ZNF205: variants seen among roughly 807,000 people sequenced by gnomAD.
The protein encoded by ZNF205 is transcriptional repressor RHIT.
A neutral mutation model predicts 53.6 loss-of-function variants in ZNF205; 32 were observed. The observed-to-expected ratio is 0.60, with a 90% CI of 0.45 to 0.80. The LOEUF is 0.80. Ranked by LOEUF, ZNF205 falls within the 30% of genes least tolerant of loss-of-function variation. The probability of loss-of-function intolerance (pLI) is 0.00; values close to 1 mark genes in which losing one functional copy is unlikely to be tolerated. For synonymous variants in ZNF205, 382 were observed against 334.3 expected, an observed-to-expected ratio of 1.14 and a Z score of -1.56; for missense variants, 836 against 782.4, an observed-to-expected ratio of 1.07 and a Z score of -0.82.
At chr16:3,116,379 C>T in intron 4 of ZNF205, 48 bp from the exon 5 acceptor site, 1 of 1,607,928 alleles carries the variant, frequency 6.2e-7, no homozygotes, top group Non-Finnish European at 8.5e-7. Flanking sequence ...TGTCCCTCCA[C>T]CGTGTCCACG....
chr16:3,120,217 G>T lies in ZNF205; in HGVS notation c.1557G>T (p.Leu519=). The change falls in exon 7 of 7, where the codon CTG becomes CTT. Residue 519 remains leucine (L), a synonymous_variant. Coordinates refer to ENST00000219091, the MANE Select transcript of ZNF205 (RefSeq NM_001042428.2). Reference sequence around the variant, plus strand: ...AGAGCTTCAGCCGGCGCTCCAACCTGCACCGGCACGAGAAGATCCACACCA... The same window carrying T: ...AGAGCTTCAGCCGGCGCTCCAACCTTCACCGGCACGAGAAGATCCACACCA... ...CGKSFSRRSN[L]HRHEKIHTTG... is the part of the protein sequence containing the mutation. 1 of 1,610,366 alleles carries T rather than the reference G, an allele frequency of 6.2e-7. No individual in the cohort carries two copies. The highest frequency in any genetic ancestry group is 8.5e-7 in the Non-Finnish European group (1 of 1,179,658).
At chr16:3,119,099 G>T (rs964937213) in intron 6 of ZNF205, 84 bp downstream of exon 6, 4 of 1,543,694 alleles carry the variant, frequency 2.6e-6, no homozygotes, top group Non-Finnish European at 3.5e-6. Flanking sequence ...AGTGGGGCAG[G>T]GCCACCAGAC....
intron 5 of ZNF205, among the ~76,000 whole-genome samples, chr16:3,118,684 G>A (rs372363073): frequency 6.6e-6 from 1 of 152,132 alleles, no homozygotes; most frequent in Non-Finnish European, 1.5e-5. Context: ...CTTAAACTCC[G>A]TTGCTCTTTC....
chr16:3,119,585 C>G lies in ZNF205; in HGVS notation c.925C>G (p.Arg309Gly). 8 of 1,608,438 alleles carry G rather than the reference C, an allele frequency of 5.0e-6. No individual in the cohort carries two copies. Among genetic ancestry groups the G allele is most frequent in the Non-Finnish European group, 6.8e-6 (8 of 1,177,888 alleles). Residue 309 changes from arginine to glycine, a missense_variant, in exon 7 of 7, where the codon CGG becomes GGG. Arg to Gly is a moderately radical substitution (Grantham distance 125, BLOSUM62 -2). Transcript: ENST00000219091. ...CAGTGAGGTGGGCAGGAAGAGCTAC[C>G]GGTGCGAGCAGTGCGGCAAGGGCTT... Reference protein sequence around the residue: ...PDSEVGRKSYRCEQCGKGFSW... With the variant: ...PDSEVGRKSYGCEQCGKGFSW...
In ZNF205 at chr16:3,120,339, G is replaced by C. The variant is rs369700105; in HGVS notation, c.*14G>C. 6.7e-7 allele frequency: 1 copy of C among 1,497,906 alleles called. No homozygotes were observed. The highest frequency in any genetic ancestry group is 8.8e-7 in the Non-Finnish European group (1 of 1,133,430). 92.8% of individuals were successfully genotyped at this position (1,497,906 alleles called of 1,614,324 possible). On this transcript the variant is annotated 3_prime_UTR_variant, in exon 7 of 7. Coordinates refer to ENST00000219091, the MANE Select transcript of ZNF205 (RefSeq NM_001042428.2). ...GCTCCCACCTAGGAGGCCAGGAAAG[G>C]GGGAGCGGGGCGCCCAGGGCCACTG...
chr16:3,116,289 C>G, intron 4 of ZNF205, 138 bp from the exon 5 acceptor site: 1 of 1,338,608 alleles, frequency 7.5e-7, no homozygotes, highest in Non-Finnish European at 1.0e-6. Context: ...CACCTGCTTC[C>G]CGATCAGATG....
rs781416540 is a variant in ZNF205 at position 3,119,001 on chromosome 16, G to A, written c.581G>A (p.Arg194Lys). 6.2e-7 allele frequency: 1 copy of A among 1,613,414 alleles called. No homozygotes were observed. The highest frequency in any genetic ancestry group is 2.2e-5 in the East Asian group (1 of 44,846). ...SRQAGDEKEW[R>K]GACTGAVEVG... is the part of the protein sequence containing the mutation. ...CAGGCAGGAGATGAGAAGGAGTGGA[G>A]AGGCGCGTGCACAGGTGAGGGACGG... Residue 194 changes from arginine to lysine, a missense_variant, in exon 6 of 7, where the codon AGA (arginine) becomes AAA (lysine). By Grantham distance (26) the Arg-to-Lys change is conservative (BLOSUM62 2). Coordinates refer to ENST00000219091, the MANE Select transcript of ZNF205 (RefSeq NM_001042428.2).
chr16:3,118,012 C>CTTTTTTTTTTTTTTT (rs71158135), intron 5 of ZNF205, among the ~76,000 whole-genome samples: 245 of 74,258 alleles, frequency 3.3e-3, no homozygotes, highest in Non-Finnish European at 4.0e-3. Flanking sequence ...CCATGCCCGG[C>CTTTTTTTTTTTTTTT]TTTTTTTTTT....
Position 3,118,960 on chromosome 16 carries a change from C to T in ZNF205, c.540C>T (p.Ala180=), listed in dbSNP as rs151157054. The T allele has an allele frequency of 2.1e-5, 34 of 1,613,500 alleles. No homozygotes were observed. Among genetic ancestry groups the T allele is most frequent in the Non-Finnish European group, 2.7e-5 (32 of 1,179,980 alleles). ...WAPQAHGKGE[A]SGSSRQAGDE... ...CTCAAGCGCACGGCAAGGGTGAGGC[C>T]TCGGGCTCCAGCCGGCAGGCAGGAG... The change falls in exon 6 of 7, where the codon GCC becomes GCT. Residue 180 remains alanine (A), a synonymous_variant. Coordinates refer to ENST00000219091, the MANE Select transcript of ZNF205 (RefSeq NM_001042428.2).
In ZNF205 at chr16:3,115,386, T is replaced by C. The variant is rs773512079; in HGVS notation, c.89T>C (p.Met30Thr). The C allele has an allele frequency of 5.6e-6, 9 of 1,605,512 alleles. No homozygotes were observed. The part of the protein sequence containing the change: ...VPDRGHPHQE[M>T]PSKLGEAVPS... ...GATCGTGGACATCCTCATCAGGAAATGCCTTCTAAGCTGGGGGAGGCGGTA... is the reference window on the plus strand; with the variant it reads ...GATCGTGGACATCCTCATCAGGAAACGCCTTCTAAGCTGGGGGAGGCGGTA... Residue 30 changes from methionine (M) to threonine (T), a missense_variant, in exon 3 of 7, where the codon ATG becomes ACG. By Grantham distance (81) the Met-to-Thr change is moderately conservative (BLOSUM62 -1). Coordinates refer to ENST00000219091, the MANE Select transcript of ZNF205 (RefSeq NM_001042428.2).
chr16:3,114,150 G>A (rs1957308391), intron 2 of ZNF205, among the ~76,000 whole-genome samples: 1 of 152,134 alleles, frequency 6.6e-6, no homozygotes, highest in Non-Finnish European at 1.5e-5. Flanking sequence ...TGTTAGCATG[G>A]TTCAGTTTCC....
chr16:3,116,719 G>A (rs927020985), intron 5 of ZNF205, among the ~76,000 whole-genome samples, 172 bp downstream of exon 5: 3 of 152,194 alleles, frequency 2.0e-5, no homozygotes, highest in Non-Finnish European at 4.4e-5. Flanking sequence ...GTGCTAGGAC[G>A]GGAGCCACAA....
chr16:3,118,839 G>A (rs575843165), intron 5 of ZNF205, 66 bp from the exon 6 acceptor site: 3 of 1,542,272 alleles, frequency 1.9e-6, no homozygotes, highest in Non-Finnish European at 2.7e-6. Flanking sequence ...CAGTTTTGGG[G>A]AGATGCTGTC....
chr16:3,115,532 G>T lies in ZNF205; in HGVS notation c.235G>T (p.Gly79Cys). Reference protein sequence around the residue: ...GAWGWAPLSHGSKEKALFLPG... With the variant: ...GAWGWAPLSHCSKEKALFLPG... ...CTGGGGCTGGGCACCCCTAAGTCAC[G>T]GCTCTAAGGAGAAAGCTCTCTTCCT... Residue 79 changes from glycine (G) to cysteine (C), a missense_variant, in exon 3 of 7, where the codon GGC becomes TGC. Gly to Cys is a radical substitution (Grantham distance 159). Transcript: ENST00000219091. 1 of 1,596,228 alleles carries T rather than the reference G, an allele frequency of 6.3e-7. No individual in the cohort carries two copies. The highest frequency in any genetic ancestry group is 8.5e-7 in the Non-Finnish European group (1 of 1,173,804).
chr16:3,116,594 T>G (rs1957349087), intron 5 of ZNF205, 47 bp downstream of exon 5: 2 of 1,589,752 alleles, frequency 1.3e-6, no homozygotes, highest in South Asian at 2.3e-5. Flanking sequence ...GGAGAGGTCC[T>G]GCTCTGCCGT....
Position 3,120,152 on chromosome 16 carries a change from C to A in ZNF205, c.1492C>A (p.His498Asn), listed in dbSNP as rs1313458223. The A allele has an allele frequency of 6.2e-7, 1 of 1,606,906 alleles. No homozygotes were observed. The highest frequency in any genetic ancestry group is 2.2e-5 in the East Asian group (1 of 44,612). Residue 498 changes from histidine to asparagine, a missense_variant, in exon 7 of 7, where the codon CAC becomes AAC. Physicochemically the swap from His to Asn is moderately conservative, Grantham distance 68. Transcript: ENST00000219091. ...GCACCTCACCGCGCACCAGCGCACC[C>A]ACCGTGGCGTGCGGCCCTACGCCTG... ...SSHLTAHQRT[H>N]RGVRPYACPL... is the part of the protein sequence containing the mutation.
intron 5 of ZNF205, among the ~76,000 whole-genome samples, chr16:3,117,852 CT>C (rs35351001): frequency 2.0e-3 from 269 of 132,938 alleles, no homozygotes; most frequent in Middle Eastern, 4.1e-3. Flanking sequence ...TGACGCTTAG[CT>C]TTTTTTTTTT....
chr16:3,119,513 G>C lies in ZNF205; in HGVS notation c.853G>C (p.Glu285Gln). 6.2e-7 allele frequency: 1 copy of C among 1,600,724 alleles called. No homozygotes were observed. Among genetic ancestry groups the C allele is most frequent in the Non-Finnish European group, 8.5e-7 (1 of 1,174,464 alleles). Residue 285 changes from glutamate to glutamine, a missense_variant, in exon 7 of 7, where the codon GAG (glutamate) becomes CAG (glutamine). Glu to Gln is a conservative substitution (Grantham distance 29). Coordinates refer to ENST00000219091, the MANE Select transcript of ZNF205 (RefSeq NM_001042428.2). ...EYRVPEKPNEEEKGAPESGEE... is the reference protein window; with the variant it reads ...EYRVPEKPNEQEKGAPESGEE... ...CCGCGTCCCGGAGAAGCCCAACGAG[G>C]AGGAGAAGGGCGCCCCGGAGAGTGG...
Position 3,116,563 on chromosome 16 carries a change from G to C in ZNF205, c.484+16G>C, listed in dbSNP as rs1353967063. The C allele has an allele frequency of 1.2e-6, 2 of 1,611,920 alleles. No individual in the cohort carries two copies. The highest frequency in any genetic ancestry group is 8.5e-7 in the Non-Finnish European group (1 of 1,178,976). On this transcript the variant is annotated intron_variant, in intron 5 of 6. Coordinates refer to ENST00000219091, the MANE Select transcript of ZNF205 (RefSeq NM_001042428.2). ...CTGTCACTGGGTAAGCACTCGCCTG[G>C]AGGGGGGACTGGGGTGTTAGGGAGA...
Sources: allele counts gnomAD v4.1 joint callset (sites outside exome capture counted in the v4.1 genomes callset), GRCh38; gene constraint gnomAD v4.1.1; transcripts MANE v1.5; gene names NCBI Gene and HGNC (gene_info 2026-07-23, HGNC 2026-07-21).